The following PRKN variants were observed in gnomAD, a reference collection of about 807,000 sequenced individuals.
PRKN encodes parkin RBR E3 ubiquitin protein ligase, also known as E3 ubiquitin-protein ligase parkin.
A neutral mutation model predicts 59.5 loss-of-function variants in PRKN; 56 were observed. The observed-to-expected ratio is 0.94, with a 90% CI of 0.76 to 1.18. PRKN has a LOEUF of 1.18. PRKN is among the 50% of genes most tolerant of loss of function. PRKN has a pLI of 0.00. For missense variants in PRKN, 657 were observed against 596.4 expected (o/e 1.10, Z -1.06); for synonymous variants, 250 against 222.1 (o/e 1.13, Z -1.12).
intron 1 of PRKN, among the ~76,000 whole-genome samples, chr6:162,603,268 A>G (rs1403706593): frequency 6.6e-6 from 1 of 152,186 alleles, no homozygotes; most frequent in Non-Finnish European, 1.5e-5. Flanking sequence ...ATATTTTGCT[A>G]CTAAATGACA....
At chr6:162,042,224 A>G (rs1356864297) in intron 5 of PRKN, among the ~76,000 whole-genome samples, 1 of 152,112 alleles carries the variant, frequency 6.6e-6, no homozygotes, top group African/African-American at 2.4e-5. Flanking sequence ...AATGAAACAA[A>G]CATTTATTTT....
intron 2 of PRKN, among the ~76,000 whole-genome samples, chr6:162,326,833 G>A (rs753129384): frequency 9.7e-4 from 148 of 152,270 alleles, no homozygotes; most frequent in Non-Finnish European, 1.7e-3. Context: ...CTTGCTTGGG[G>A]TTTATGAAAA....
intron 1 of PRKN, among the ~76,000 whole-genome samples, chr6:162,451,126 C>T (rs185097345): frequency 1.4e-4 from 22 of 151,908 alleles, no homozygotes; most frequent in Admixed American, 1.4e-3. Flanking sequence ...TCTTCCAAAA[C>T]AAACAAACAA....
rs142919147 is a variant in PRKN, at chr6:162,507,145, A to T, written c.8-63672T>A. Among the ~76,000 whole-genome samples, 885 of 152,270 alleles carry T rather than the reference A, an allele frequency of 5.8e-3. 2 individuals are homozygous for T. The highest frequency in any genetic ancestry group is 8.6e-3 in the Non-Finnish European group (587 of 68,016). On this transcript the variant is annotated intron_variant, in intron 1 of 11. Coordinates refer to ENST00000366898, the MANE Select transcript of PRKN (RefSeq NM_004562.3). ...CACCTCCAAAATATACTGAATTTCC[A>T]TCCATTCCTCTTTCCCCTCTAGTTC... is the stretch of plus-strand genomic sequence containing the variant.
At position 161,593,999 on chromosome 6, in the gene PRKN, A is replaced by C. The variant is rs1203601777; in HGVS notation, c.872-24583T>G. Among the ~76,000 whole-genome samples the C allele has an allele frequency of 2.6e-5, 4 of 151,544 alleles. No homozygotes were observed. Among genetic ancestry groups the C allele is most frequent in the East Asian group, 1.9e-4 (1 of 5,130 alleles). On this transcript the variant is annotated intron_variant, in intron 7 of 11. Transcript: ENST00000366898. The surrounding 1 kb of genome is among the most constrained non-coding windows in gnomAD (Gnocchi z 4.8). Reference sequence around the variant, plus strand: ...ACCCCATCTCTACTAAAAAAAAAAAACAAAAAACAAAAACCCAGCAGGGTA... The same window carrying C: ...ACCCCATCTCTACTAAAAAAAAAAACCAAAAAACAAAAACCCAGCAGGGTA...
At chr6:162,076,245 AG>A (rs2128292410) in intron 4 of PRKN, among the ~76,000 whole-genome samples, 1 of 152,288 alleles carries the variant, frequency 6.6e-6, no homozygotes, top group Non-Finnish European at 1.5e-5. Flanking sequence ...CTGGGATTAC[AG>A]GTTGCAAGCC....
At chr6:161,917,516 T>C (rs751283914) in intron 6 of PRKN, among the ~76,000 whole-genome samples, 2 of 152,186 alleles carry the variant, frequency 1.3e-5, no homozygotes, top group African/African-American at 2.4e-5. Context: ...GTGGTAGTAA[T>C]AAGGTTTTAC....
chr6:161,907,617 C>A, intron 6 of PRKN, among the ~76,000 whole-genome samples: 1 of 151,828 alleles, frequency 6.6e-6, no homozygotes, highest in East Asian at 1.9e-4. Context: ...GCACTGGGGA[C>A]GTAAGAGAGG....
chr6:162,569,518 G>A lies in PRKN; in HGVS notation c.8-126045C>T, dbSNP rs574014356. On this transcript the variant is annotated intron_variant, in intron 1 of 11. Coordinates refer to ENST00000366898, the MANE Select transcript of PRKN (RefSeq NM_004562.3). The stretch of plus-strand genomic sequence containing the variant: ...TGCAGAACATGAGTATCCATACAAA[G>A]ACCACCAGCGCCTATGCAGATGGTC... The A allele has an allele frequency of 8.5e-5, 60 of 705,670 alleles. No homozygotes were observed. The East Asian group carries it at 1.6e-3, about 19-fold the overall frequency. The allele number at this position is 705,670 out of a possible 1,614,324, so 43.7% of individuals were successfully genotyped here.
chr6:162,307,233 C>T (rs1290891457), intron 2 of PRKN, among the ~76,000 whole-genome samples: 1 of 151,822 alleles, frequency 6.6e-6, no homozygotes, highest in Non-Finnish European at 1.5e-5. Flanking sequence ...AATCCCATCT[C>T]CACTAAAAAT....
chr6:161,536,470 G>A (rs1437463760), intron 9 of PRKN, among the ~76,000 whole-genome samples: 20 of 151,900 alleles, frequency 1.3e-4, no homozygotes, highest in Admixed American at 9.2e-4. Context: ...GGAGATGGCC[G>A]TCAGGAGGGA....
intron 7 of PRKN, among the ~76,000 whole-genome samples, chr6:161,628,653 T>TGTAGAGAA (rs1311708408): frequency 2.6e-5 from 4 of 152,222 alleles, no homozygotes; most frequent in Non-Finnish European, 4.4e-5. Context: ...AGCCAGCCTT[T>TGTAGAGAA]GTAGAGAAGT....
chr6:162,448,874 C>CCT (rs149755820), intron 1 of PRKN, among the ~76,000 whole-genome samples: 15 of 139,684 alleles, frequency 1.1e-4, no homozygotes, highest in South Asian at 7.8e-4. Context: ...TCTTTCTTTT[C>CCT]CTCTCTCTCT....
intron 1 of PRKN, among the ~76,000 whole-genome samples, chr6:162,725,047 G>A (rs762184750): frequency 3.3e-5 from 5 of 152,184 alleles, no homozygotes; most frequent in Non-Finnish European, 5.9e-5. Context: ...GCCCACCTCC[G>A]TTTGTGAAGT....
intron 1 of PRKN, among the ~76,000 whole-genome samples, chr6:162,555,005 T>A (rs1583791119): frequency 6.6e-6 from 1 of 152,148 alleles, no homozygotes; most frequent in Non-Finnish European, 1.5e-5. Context: ...GTTCCTTTTA[T>A]ACGCAATGGA....
chr6:161,352,217 C>T lies in PRKN; in HGVS notation c.1286-2006G>A, dbSNP rs1437890778. ...AAGTAATTGGTTCGGTGCTGTCTCA[C>T]TTTTATTATTAGAAACCTGGCATGA... On this transcript the variant is annotated intron_variant, in intron 11 of 11. Coordinates refer to ENST00000366898, the MANE Select transcript of PRKN (RefSeq NM_004562.3). This position sits in a 1 kb window ranked among gnomAD's most constrained non-coding sequence, Gnocchi z 5.8. Among the ~76,000 whole-genome samples, 1 of 152,136 alleles carries T rather than the reference C, an allele frequency of 6.6e-6. No homozygotes were observed. The highest frequency in any genetic ancestry group is 6.5e-5 in the Admixed American group (1 of 15,268).
chr6:162,224,981 T>G (rs1778103855), intron 3 of PRKN, among the ~76,000 whole-genome samples: 1 of 152,184 alleles, frequency 6.6e-6, no homozygotes. Flanking sequence ...TCTTGGTTCA[T>G]TTTCTGTGGT....
At chr6:162,653,979 G>A (rs1450831135) in intron 1 of PRKN, among the ~76,000 whole-genome samples, 1 of 152,104 alleles carries the variant, frequency 6.6e-6, no homozygotes, top group African/African-American at 2.4e-5. Context: ...CTACTCACTG[G>A]CACTCTTTTT....
At chr6:161,504,796 T>C (rs913386555) in intron 9 of PRKN, among the ~76,000 whole-genome samples, 2 of 150,956 alleles carry the variant, frequency 1.3e-5, no homozygotes, top group African/African-American at 4.9e-5. Flanking sequence ...GTTCTTGCGA[T>C]AGTTTACTGA....
Sources: gnomAD v4.1 joint callset for allele counts (sites outside exome capture counted in the v4.1 genomes callset) on GRCh38, gnomAD v4.1.1 for gene constraint, Gnocchi (gnomAD v3.1) non-coding constraint, MANE v1.5 for transcripts, NCBI Gene and HGNC (gene_info 2026-07-23, HGNC 2026-07-21) for gene names.